The following GABRG2 variants were observed in gnomAD, a reference collection of about 807,000 sequenced individuals.
The protein encoded by GABRG2 is gamma-aminobutyric acid receptor subunit gamma-2.
GABRG2 carries 16 observed loss-of-function variants against 56.4 expected under a neutral mutation model. That is an observed-to-expected ratio of 0.28 (90% CI 0.19 to 0.43). GABRG2 has a LOEUF of 0.43. Ranked by LOEUF, GABRG2 falls within the 20% of genes least tolerant of loss-of-function variation. The probability of loss-of-function intolerance (pLI) is 1.00; values close to 1 mark genes in which losing one functional copy is unlikely to be tolerated. For synonymous variants in GABRG2, 208 were observed against 205.5 expected, an observed-to-expected ratio of 1.01 and a Z score of -0.10; for missense variants, 327 against 582.7, an observed-to-expected ratio of 0.56 and a Z score of 4.52.
intron 1 of GABRG2, among the ~76,000 whole-genome samples, chr5:162,091,954 CA>C (rs1238378108): frequency 1.3e-5 from 2 of 152,000 alleles, no homozygotes; most frequent in African/African-American, 4.8e-5. Flanking sequence ...GGCACTTTTG[CA>C]AGAACAATTT....
intron 6 of GABRG2, among the ~76,000 whole-genome samples, chr5:162,118,324 C>A (rs1202485823): frequency 6.6e-6 from 1 of 151,686 alleles, no homozygotes; most frequent in East Asian, 1.9e-4. Context: ...TTATTGTTTG[C>A]AGTTAATGGC....
rs187534906 is a variant in GABRG2, at chr5:162,143,758, A to C, written c.922+1442A>C. Among the ~76,000 whole-genome samples the C allele has an allele frequency of 9.4e-4, 143 of 152,272 alleles. 1 individual carries two copies. Among genetic ancestry groups the C allele is most frequent in the African/African-American group, 2.6e-3 (108 of 41,566 alleles). ...AAAACATGTATAATTTCCTGTACCTAACTTATTGGGTTCTACTAGGGTTAA... is the reference window on the plus strand; with the variant it reads ...AAAACATGTATAATTTCCTGTACCTCACTTATTGGGTTCTACTAGGGTTAA... On this transcript the variant is annotated intron_variant, in intron 7 of 9. Transcript: ENST00000639213.
chr5:162,093,742 A>G (rs1760786007), intron 1 of GABRG2, 86 bp from the exon 2 acceptor site: 2 of 1,268,182 alleles, frequency 1.6e-6, no homozygotes, highest in African/African-American at 1.5e-5. Flanking sequence ...ATCCTGTTTT[A>G]TTTCTTCTTT....
At chr5:162,105,768 A>G (rs1374269077) in intron 6 of GABRG2, among the ~76,000 whole-genome samples, 1 of 151,452 alleles carries the variant, frequency 6.6e-6, no homozygotes, top group Non-Finnish European at 1.5e-5. Flanking sequence ...GGAAAAGTTC[A>G]GGATTGCCTT....
Position 162,151,668 on chromosome 5 carries a change from A to C in GABRG2, c.1129-62A>C, listed in dbSNP as rs113115820. The C allele has an allele frequency of 2.4e-5, 33 of 1,367,964 alleles. 1 individual carries two copies. The African/African-American group carries it at 2.7e-4, about 11-fold the overall frequency. 84.7% of individuals were successfully genotyped at this position (1,367,964 alleles called of 1,614,324 possible). On this transcript the variant is annotated intron_variant, in intron 8 of 9. Coordinates refer to ENST00000639213, the MANE Select transcript of GABRG2 (RefSeq NM_198904.4). ...TATCTTGTCTCTCTCTTTTTTTTTC[A>C]TTTTTTTTCTCCTTTTTATTAAAAA...
chr5:162,152,982 C>G, intron 9 of GABRG2, 111 bp from the exon 10 acceptor site: 3 of 1,267,134 alleles, frequency 2.4e-6, no homozygotes, highest in Non-Finnish European at 3.4e-6. Flanking sequence ...TAGCAATTTC[C>G]TGAGTACCCA....
intron 1 of GABRG2, among the ~76,000 whole-genome samples, chr5:162,080,558 G>A (rs371636868): frequency 3.9e-4 from 59 of 152,280 alleles, no homozygotes; most frequent in African/African-American, 1.4e-3. Flanking sequence ...ATTTCCTAAT[G>A]TACGGTCTCA....
intron 6 of GABRG2, among the ~76,000 whole-genome samples, chr5:162,116,067 G>C (rs964846896): frequency 6.6e-6 from 1 of 151,522 alleles, no homozygotes; most frequent in Non-Finnish European, 1.5e-5. Flanking sequence ...CTGACTGACA[G>C]TCTGATTCCA....
chr5:162,143,649 T>C (rs946779590), intron 7 of GABRG2, among the ~76,000 whole-genome samples: 6 of 152,148 alleles, frequency 3.9e-5, no homozygotes, highest in African/African-American at 1.4e-4. Context: ...GGTTTTGGAG[T>C]CCCACAAATA....
intron 3 of GABRG2, among the ~76,000 whole-genome samples, 153 bp from the exon 4 acceptor site, chr5:162,097,485 C>T (rs1260679177): frequency 6.6e-6 from 1 of 152,120 alleles, no homozygotes; most frequent in South Asian, 2.1e-4. Flanking sequence ...AGACAGTAAC[C>T]TCCTCAGCAA....
intron 1 of GABRG2, among the ~76,000 whole-genome samples, chr5:162,088,884 A>G (rs983734307): frequency 2.0e-5 from 3 of 152,152 alleles, no homozygotes; most frequent in Non-Finnish European, 4.4e-5. Context: ...AACATAGCGA[A>G]TATTTTTAAT....
chr5:162,153,384 A>G lies in GABRG2; in HGVS notation c.*16A>G. On this transcript the variant is annotated 3_prime_UTR_variant, in exon 10 of 10. Coordinates refer to ENST00000639213, the MANE Select transcript of GABRG2 (RefSeq NM_198904.4). ...CTACCTGTGAGGAGGTATGGGTTTTACTGATATGGTTCTTATTCACTGAGT... is the reference window on the plus strand; with the variant it reads ...CTACCTGTGAGGAGGTATGGGTTTTGCTGATATGGTTCTTATTCACTGAGT... 1 of 1,613,496 alleles carries G rather than the reference A, an allele frequency of 6.2e-7. No individual in the cohort carries two copies. Among genetic ancestry groups the G allele is most frequent in the Middle Eastern group, 1.7e-4 (1 of 6,060 alleles).
intron 7 of GABRG2, among the ~76,000 whole-genome samples, chr5:162,148,523 T>C (rs529975458): frequency 2.0e-4 from 30 of 152,326 alleles, no homozygotes; most frequent in African/African-American, 5.5e-4. Flanking sequence ...CTCCCTGCAA[T>C]TGGAATAAAA....
At chr5:162,071,133 A>G (rs1758642469) in intron 1 of GABRG2, among the ~76,000 whole-genome samples, 1 of 151,560 alleles carries the variant, frequency 6.6e-6, no homozygotes, top group African/African-American at 2.4e-5. Context: ...AATAAAACAT[A>G]TATACATATA....
chr5:162,074,202 T>G (rs138445095), intron 1 of GABRG2, among the ~76,000 whole-genome samples: 1 of 152,090 alleles, frequency 6.6e-6, no homozygotes, highest in African/African-American at 2.4e-5. Flanking sequence ...ATCATATTAA[T>G]CCCTACAGTA....
At chr5:162,136,566 T>A (rs1461742522) in intron 6 of GABRG2, among the ~76,000 whole-genome samples, 2 of 151,516 alleles carry the variant, frequency 1.3e-5, no homozygotes, top group Non-Finnish European at 2.9e-5. Flanking sequence ...AGGGGAGAGA[T>A]GATGGCAGGA....
Position 162,149,217 on chromosome 5 carries a change from C to CT in GABRG2, c.1035dup (p.Val346CysfsTer26). ...ATCTCTTTGTATCTGTTTGTTTCAT[C>CT]TTTGTCTTCTCTGCTCTGGTGGAGT... On this transcript the variant is annotated frameshift_variant, in exon 8 of 10. Transcript: ENST00000639213. LOFTEE classifies it high-confidence loss of function. 1 of 1,614,158 alleles carries CT rather than the reference C, an allele frequency of 6.2e-7. No individual in the cohort carries two copies. Among genetic ancestry groups the CT allele is most frequent in the Non-Finnish European group, 8.5e-7 (1 of 1,180,034 alleles).
At chr5:162,111,463 A>G (rs2113421741) in intron 6 of GABRG2, among the ~76,000 whole-genome samples, 1 of 152,200 alleles carries the variant, frequency 6.6e-6, no homozygotes, top group African/African-American at 2.4e-5. Context: ...AAATCAAAGG[A>G]AAATTGTCTG....
chr5:162,090,608 AC>A (rs1760496683), intron 1 of GABRG2, among the ~76,000 whole-genome samples: 1 of 152,134 alleles, frequency 6.6e-6, no homozygotes, highest in South Asian at 2.1e-4. Flanking sequence ...CTTTTCTGAC[AC>A]TATCACTCAG....
Sources: allele counts gnomAD v4.1 joint callset (sites outside exome capture counted in the v4.1 genomes callset), GRCh38; gene constraint gnomAD v4.1.1; transcripts MANE v1.5; gene names NCBI Gene and HGNC (gene_info 2026-07-23, HGNC 2026-07-21).